TUT7: variants seen among roughly 807,000 people sequenced by gnomAD.
The protein encoded by TUT7 is terminal uridylyl transferase 7.
A neutral mutation model predicts 165.9 loss-of-function variants in TUT7; 33 were observed. The observed-to-expected ratio is 0.20, with a 90% CI of 0.15 to 0.27. The LOEUF (loss-of-function observed/expected upper bound fraction) is 0.27, where lower values mean the gene tolerates loss of function less well. Among genes scored for constraint, TUT7 ranks in the 10% least tolerant of loss-of-function variants. The pLI is 1.00. For synonymous variants in TUT7, 552 were observed against 608.1 expected (o/e 0.91, Z 1.36); for missense variants, 1,338 against 1,762.3 (o/e 0.76, Z 4.31).
intron 2 of TUT7, 50 bp downstream of exon 2, chr9:86,352,629 TA>T (rs772714895): frequency 6.2e-7 from 1 of 1,601,104 alleles, no homozygotes; most frequent in Admixed American, 1.7e-5. Flanking sequence ...TGAAAAAGAA[TA>T]AAACATTGCT....
intron 14 of TUT7, among the ~76,000 whole-genome samples, chr9:86,320,614 A>G (rs1383347305): frequency 1.3e-5 from 2 of 152,204 alleles, no homozygotes; most frequent in Admixed American, 1.3e-4. Context: ...GCCTAGGTAT[A>G]CTTCTGGTGA....
intron 2 of TUT7, among the ~76,000 whole-genome samples, chr9:86,347,262 T>C (rs1831858036): frequency 6.6e-6 from 1 of 152,252 alleles, no homozygotes; most frequent in Admixed American, 6.5e-5. Context: ...CTATTAGTTC[T>C]ATAATCCTTA....
At chr9:86,347,087 G>A (rs1461692240) in intron 2 of TUT7, among the ~76,000 whole-genome samples, 1 of 152,060 alleles carries the variant, frequency 6.6e-6, no homozygotes, top group Non-Finnish European at 1.5e-5. Context: ...ATATGAAGAA[G>A]TCCAAGCCAA....
chr9:86,292,022 C>T (rs1825939198), intron 26 of TUT7, among the ~76,000 whole-genome samples: 1 of 152,102 alleles, frequency 6.6e-6, no homozygotes, highest in South Asian at 2.1e-4. Flanking sequence ...AATATAAAAA[C>T]AGCACCATAT....
At chr9:86,319,873 G>T (rs1484486765) in intron 14 of TUT7, among the ~76,000 whole-genome samples, 2 of 151,946 alleles carry the variant, frequency 1.3e-5, no homozygotes, top group East Asian at 3.9e-4. Flanking sequence ...GGTTCTGTCG[G>T]CCAGGCTGCA....
intron 5 of TUT7, among the ~76,000 whole-genome samples, chr9:86,343,628 G>A (rs1414154163): frequency 1.3e-5 from 2 of 151,974 alleles, no homozygotes; most frequent in African/African-American, 4.8e-5. Context: ...TTACTATAAG[G>A]AGGTTTTAGT....
chr9:86,344,834 G>A (rs1446592038), intron 5 of TUT7, 143 bp downstream of exon 5: 1 of 775,228 alleles, frequency 1.3e-6, no homozygotes, highest in African/African-American at 1.8e-5. Context: ...GAAAGCCAGG[G>A]AAAACAAAAA....
At chr9:86,303,321 A>G in intron 24 of TUT7, 120 bp from the exon 25 acceptor site, 1 of 524,642 alleles carries the variant, frequency 1.9e-6, no homozygotes, top group South Asian at 3.1e-5. Flanking sequence ...CTTTTAATAA[A>G]TATTATTTAT....
At chr9:86,340,951 T>C in intron 7 of TUT7, 51 bp downstream of exon 7, 1 of 1,401,240 alleles carries the variant, frequency 7.1e-7, no homozygotes, top group Non-Finnish European at 1.0e-6. Flanking sequence ...ATAAGATAGA[T>C]CCAAATTATA....
At chr9:86,342,291 C>T (rs534344415) in intron 6 of TUT7, among the ~76,000 whole-genome samples, 1 of 152,250 alleles carries the variant, frequency 6.6e-6, no homozygotes, top group South Asian at 2.1e-4. Flanking sequence ...GCACCCAGCT[C>T]AGAATATGGA....
chr9:86,320,977 T>C (rs1374455031), intron 14 of TUT7, among the ~76,000 whole-genome samples: 1 of 152,200 alleles, frequency 6.6e-6, no homozygotes, highest in Non-Finnish European at 1.5e-5. Flanking sequence ...TGGATCTGCT[T>C]ACACAGCAGG....
chr9:86,305,285 T>C (rs1388442020), intron 22 of TUT7, 46 bp from the exon 23 acceptor site: 4 of 1,292,608 alleles, frequency 3.1e-6, no homozygotes, highest in African/African-American at 1.5e-5. Context: ...AAATAGAAAA[T>C]GCCACCATTC....
At position 86,338,852 on chromosome 9, in the gene TUT7, A is replaced by G; in HGVS notation, c.1306T>C (p.Leu436=). The change falls in exon 9 of 27, where the codon TTG becomes CTG. Residue 436 remains leucine (L), a synonymous_variant. Coordinates refer to ENST00000375963, the MANE Select transcript of TUT7 (RefSeq NM_024617.4). The part of the protein sequence containing the change: ...LGKLEPKLVP[L]VIAFRYWAKL... ...GCCCAGTACCTAAATGCAATCACCA[A>G]AGGAACCAGCTTTGGTTCTAGTTTT... 6.2e-7 allele frequency: 1 copy of G among 1,609,244 alleles called. No homozygotes were observed. Among genetic ancestry groups the G allele is most frequent in the East Asian group, 2.2e-5 (1 of 44,702 alleles).
chr9:86,326,456 T>C (rs1380255064), intron 11 of TUT7: 1 of 154,858 alleles, frequency 6.5e-6, no homozygotes, highest in East Asian at 1.9e-4. Context: ...CAAAAAATGG[T>C]CGCTATCATT....
At chr9:86,341,503 A>G (rs1831324944) in intron 6 of TUT7, among the ~76,000 whole-genome samples, 1 of 152,100 alleles carries the variant, frequency 6.6e-6, no homozygotes. Flanking sequence ...ACTCTCAATG[A>G]CTTCTTACTG....
At position 86,319,516 on chromosome 9, in the gene TUT7, T is replaced by C. The variant is rs1161000770; in HGVS notation, c.3115+68A>G. ...CTGATTCTCAAAATCAGTGTGCTTG[T>C]AACACATGAACTGATTTGGAAAAAA... On this transcript the variant is annotated intron_variant, in intron 15 of 26. Coordinates refer to ENST00000375963, the MANE Select transcript of TUT7 (RefSeq NM_024617.4). 8 of 1,093,064 alleles carry C rather than the reference T, an allele frequency of 7.3e-6. No individual in the cohort carries two copies. The East Asian group carries it at 7.7e-5, about 10-fold the overall frequency. 67.7% of individuals were successfully genotyped at this position (1,093,064 alleles called of 1,614,324 possible). A position where few individuals can be genotyped will look rare whatever the true frequency, so the allele number is the denominator to read the frequency against.
chr9:86,319,100 A>G (rs1406711913), intron 15 of TUT7, 42 bp from the exon 16 acceptor site: 1 of 1,431,334 alleles, frequency 7.0e-7, no homozygotes, highest in South Asian at 1.2e-5. Flanking sequence ...TTACCTGAGT[A>G]CATTTAATTT....
chr9:86,297,672 GA>G (rs1826455385), intron 26 of TUT7, among the ~76,000 whole-genome samples: 1 of 152,024 alleles, frequency 6.6e-6, no homozygotes, highest in Admixed American at 6.6e-5. Context: ...TACAAATCGG[GA>G]GGCTGAGATG....
At chr9:86,298,696 C>A in intron 26 of TUT7, 1 of 775,980 alleles carries the variant, frequency 1.3e-6, no homozygotes, top group Non-Finnish European at 1.6e-6. Flanking sequence ...GAGAAAAAGT[C>A]TCAAAAGGCA....
Sources: allele counts gnomAD v4.1 joint callset (sites outside exome capture counted in the v4.1 genomes callset), GRCh38; gene constraint gnomAD v4.1.1; transcripts MANE v1.5; gene names NCBI Gene and HGNC (gene_info 2026-07-23, HGNC 2026-07-21).